TMEM108: variants seen among roughly 807,000 people sequenced by gnomAD.
TMEM108 encodes the protein cancer/testis antigen 124.
TMEM108 carries 12 observed loss-of-function variants against 35.1 expected under a neutral mutation model. The ratio of observed to expected loss-of-function variants is 0.34; its 90% CI spans 0.22 to 0.55. The LOEUF is 0.55. TMEM108 is among the 20% of genes least tolerant of loss of function. The pLI, the probability that TMEM108 is intolerant of heterozygous loss-of-function variation, is 0.89. For missense variants in TMEM108, 680 were observed against 753.3 expected, an observed-to-expected ratio of 0.90 and a Z score of 1.14; for synonymous variants, 287 against 308.6, an observed-to-expected ratio of 0.93 and a Z score of 0.73.
intron 3 of TMEM108, among the ~76,000 whole-genome samples, chr3:133,290,241 A>C (rs1224138439): frequency 6.6e-6 from 1 of 152,198 alleles, no homozygotes; most frequent in East Asian, 1.9e-4. Context: ...AAAGACCTGA[A>C]AGAGGTGAGA....
chr3:133,314,563 T>C (rs982709756), intron 3 of TMEM108, among the ~76,000 whole-genome samples: 2 of 152,214 alleles, frequency 1.3e-5, no homozygotes, highest in Non-Finnish European at 2.9e-5. Context: ...CACTTTTGCC[T>C]CTAAAGTCTA....
At chr3:133,107,856 A>G (rs1450534287) in intron 2 of TMEM108, among the ~76,000 whole-genome samples, 2 of 152,136 alleles carry the variant, frequency 1.3e-5, no homozygotes, top group Non-Finnish European at 2.9e-5. Flanking sequence ...CCTAAATCCA[A>G]GTTTTGAGGA....
At chr3:133,140,322 C>A (rs935810538) in intron 2 of TMEM108, among the ~76,000 whole-genome samples, 1 of 152,094 alleles carries the variant, frequency 6.6e-6, no homozygotes, top group Non-Finnish European at 1.5e-5. Context: ...TCCTACGAGC[C>A]CTGCAGGTGC....
intron 2 of TMEM108, among the ~76,000 whole-genome samples, chr3:133,058,921 G>C (rs1399327168): frequency 6.6e-6 from 1 of 152,150 alleles, no homozygotes; most frequent in African/African-American, 2.4e-5. Flanking sequence ...GTTGTGTTAG[G>C]GCTCTTACAA....
At chr3:133,276,454 A>G (rs914022915) in intron 3 of TMEM108, among the ~76,000 whole-genome samples, 1 of 152,222 alleles carries the variant, frequency 6.6e-6, no homozygotes, top group African/African-American at 2.4e-5. Flanking sequence ...AGCTACAGGT[A>G]TGGCATTTGC....
rs914263529 is a variant in TMEM108, at chr3:133,119,325, T to C, written c.-47+73305T>C. On this transcript the variant is annotated intron_variant, in intron 2 of 5. Coordinates refer to ENST00000321871, the MANE Select transcript of TMEM108 (RefSeq NM_023943.4). The stretch of plus-strand genomic sequence containing the variant: ...CACACTGACTTCATTCAGCAGTTTT[T>C]TTCCTGCTTTGTATGCAAAGACAGA... 2.0e-5 allele frequency: 3 copies of C among 152,216 alleles called. No homozygotes were observed. The East Asian group carries it at 5.8e-4, about 29-fold the overall frequency. 9.4% of individuals were successfully genotyped at this position (152,216 alleles called of 1,614,324 possible).
At chr3:133,335,096 G>A (rs541323596) in intron 3 of TMEM108, among the ~76,000 whole-genome samples, 23 of 152,192 alleles carry the variant, frequency 1.5e-4, no homozygotes, top group African/African-American at 5.5e-4. Flanking sequence ...AAATAAGGAA[G>A]CATCAAAATA....
chr3:133,378,088 G>A (rs763186561), intron 3 of TMEM108, among the ~76,000 whole-genome samples: 2 of 152,160 alleles, frequency 1.3e-5, no homozygotes, highest in Admixed American at 1.3e-4. Context: ...GTTGGGGACC[G>A]CTAGTCTAGA....
intron 2 of TMEM108, among the ~76,000 whole-genome samples, chr3:133,145,872 C>T (rs563388838): frequency 4.6e-5 from 7 of 152,256 alleles, no homozygotes; most frequent in East Asian, 3.9e-4. Context: ...TGGGCTGAGA[C>T]GATGGGGTTT....
intron 3 of TMEM108, among the ~76,000 whole-genome samples, chr3:133,238,061 G>A (rs1259356346): frequency 4.0e-5 from 6 of 151,888 alleles, no homozygotes; most frequent in East Asian, 1.9e-4. Flanking sequence ...GTCTGGTCCC[G>A]GACTACCTTT....
At chr3:133,317,793 A>C (rs2071218159) in intron 3 of TMEM108, among the ~76,000 whole-genome samples, 1 of 152,190 alleles carries the variant, frequency 6.6e-6, no homozygotes, top group Admixed American at 6.5e-5. Context: ...AAACCGAACA[A>C]ATCCTTCCCC....
chr3:133,249,252 G>A (rs1442110519), intron 3 of TMEM108, among the ~76,000 whole-genome samples: 1 of 152,222 alleles, frequency 6.6e-6, no homozygotes, highest in Non-Finnish European at 1.5e-5. Context: ...CTGTGTTTCA[G>A]AGGGTGAAAA....
intron 2 of TMEM108, among the ~76,000 whole-genome samples, chr3:133,118,406 T>C (rs1004508958): frequency 2.6e-5 from 4 of 152,234 alleles, no homozygotes; most frequent in Admixed American, 1.3e-4. Context: ...TATGGAATTA[T>C]TCTTTCCAAG....
chr3:133,168,875 C>G (rs929828881), intron 2 of TMEM108, among the ~76,000 whole-genome samples: 10 of 152,140 alleles, frequency 6.6e-5, no homozygotes, highest in Non-Finnish European at 7.3e-5. Context: ...ACAAACCCAC[C>G]GGGAGGAAGG....
chr3:133,175,430 G>A (rs987497599), intron 2 of TMEM108, among the ~76,000 whole-genome samples: 14 of 152,096 alleles, frequency 9.2e-5, no homozygotes, highest in South Asian at 2.1e-4. Flanking sequence ...GAGAAAGGTC[G>A]GGTTACCCAC....
At chr3:133,179,573 A>G (rs376637953) in intron 2 of TMEM108, among the ~76,000 whole-genome samples, 3 of 151,046 alleles carry the variant, frequency 2.0e-5, no homozygotes, top group East Asian at 1.9e-4. Flanking sequence ...ACCAAACACC[A>G]CTTGTTCTCA....
intron 3 of TMEM108, among the ~76,000 whole-genome samples, chr3:133,326,509 AGTT>A (rs2071335252): frequency 6.6e-6 from 1 of 152,090 alleles, no homozygotes; most frequent in South Asian, 2.1e-4. Context: ...GGCCTTTATG[AGTT>A]GTTGTGATGA....
chr3:133,204,982 C>T (rs1367980788), intron 2 of TMEM108, among the ~76,000 whole-genome samples: 1 of 152,150 alleles, frequency 6.6e-6, no homozygotes, highest in African/African-American at 2.4e-5. Flanking sequence ...AATCTGGGTG[C>T]TCCTGTATTG....
At chr3:133,383,503 C>CT (rs1454358680) in intron 4 of TMEM108, among the ~76,000 whole-genome samples, 1 of 152,240 alleles carries the variant, frequency 6.6e-6, no homozygotes, top group Non-Finnish European at 1.5e-5. Context: ...GGGCCTCCCT[C>CT]TTTGAGCTGG....
Sources: gnomAD v4.1 joint callset for allele counts (sites outside exome capture counted in the v4.1 genomes callset) on GRCh38, gnomAD v4.1.1 for gene constraint, MANE v1.5 for transcripts, NCBI Gene and HGNC (gene_info 2026-07-23, HGNC 2026-07-21) for gene names.